LTO1: variants seen among roughly 807,000 people sequenced by gnomAD.
The protein encoded by LTO1 is LTO1 maturation factor of ABCE1.
LTO1 carries 18 observed loss-of-function variants against 19.8 expected under a neutral mutation model. The observed-to-expected ratio is 0.91, with a 90% confidence interval of 0.63 to 1.35. LTO1 has a LOEUF of 1.35. Ranked by LOEUF, LTO1 falls within the 40% of genes most tolerant of loss-of-function variation. The pLI, the probability that LTO1 is intolerant of heterozygous loss-of-function variation, is 0.00. For missense variants in LTO1, 175 were observed against 167.9 expected, an observed-to-expected ratio of 1.04 and a Z score of -0.23; for synonymous variants, 59 against 59.6, an observed-to-expected ratio of 0.99 and a Z score of 0.05.
chr11:69,674,154 G>A (rs1856153745), intron 1 of LTO1, among the ~76,000 whole-genome samples: 1 of 152,054 alleles, frequency 6.6e-6, no homozygotes, highest in Non-Finnish European at 1.5e-5. Context: ...CATCTGGCCC[G>A]GAATCTACTT....
At chr11:69,674,780 G>C in intron 1 of LTO1, 2 of 466,452 alleles carry the variant, frequency 4.3e-6, no homozygotes, top group South Asian at 3.1e-5. Flanking sequence ...GAGGGAAAAG[G>C]GGTGTGGTCG....
chr11:69,667,962 G>T lies in LTO1; in HGVS notation c.278C>A (p.Pro93His). The change falls in exon 4 of 5, where the codon CCT becomes CAT. Residue 93 changes from proline (P) to histidine (H), a missense_variant. Coordinates refer to ENST00000279147, the MANE Select transcript of LTO1 (RefSeq NM_153451.3). ...TTTATCGTAAGTAGGGTCATCATAA[G>T]GGAATTTCTGGATCATTCCAATCAA... The part of the protein sequence containing the change: ...ESLIGMIQKF[P>H]YDDPTYDKLH... 6.3e-7 allele frequency: 1 copy of T among 1,596,636 alleles called. No individual in the cohort carries two copies.
intron 1 of LTO1, chr11:69,674,691 G>T: frequency 2.2e-6 from 1 of 453,252 alleles, no homozygotes; most frequent in South Asian, 1.6e-5. Flanking sequence ...CGTCCTCTGG[G>T]CCGGGCACTG....
intron 3 of LTO1, among the ~76,000 whole-genome samples, chr11:69,670,696 T>C (rs1411930106): frequency 1.3e-5 from 2 of 152,116 alleles, no homozygotes; most frequent in Non-Finnish European, 2.9e-5. Flanking sequence ...AGTTACCCAC[T>C]CTCCTTGTGC....
intron 3 of LTO1, 169 bp downstream of exon 3, chr11:69,671,579 AT>A: frequency 1.7e-6 from 1 of 586,702 alleles, no homozygotes; most frequent in East Asian, 2.8e-5. Context: ...GGCACTTTCT[AT>A]TTAGTATTTC....
At chr11:69,668,063 A>G in intron 3 of LTO1, 51 bp from the exon 4 acceptor site, 1 of 868,638 alleles carries the variant, frequency 1.2e-6, no homozygotes. Context: ...CAACAGGCTC[A>G]ACTTACACAA....
chr11:69,667,720 C>A, intron 4 of LTO1, 133 bp from the exon 5 acceptor site: 1 of 733,130 alleles, frequency 1.4e-6, no homozygotes, highest in Non-Finnish European at 2.4e-6. Flanking sequence ...CTCCTTTTCT[C>A]TGGACTGTCT....
At chr11:69,673,417 C>A in intron 1 of LTO1, 96 bp from the exon 2 acceptor site, 1 of 805,526 alleles carries the variant, frequency 1.2e-6, no homozygotes, top group Non-Finnish European at 2.1e-6. Context: ...CCCAGTAAGA[C>A]AAACCAGAGT....
At chr11:69,670,097 C>T (rs1272552900) in intron 3 of LTO1, among the ~76,000 whole-genome samples, 3 of 151,926 alleles carry the variant, frequency 2.0e-5, no homozygotes, top group Non-Finnish European at 2.9e-5. Context: ...TCCAAAGAGA[C>T]CTCTGGGTAC....
intron 2 of LTO1, 114 bp downstream of exon 2, chr11:69,673,102 C>G: frequency 1.3e-6 from 1 of 766,404 alleles, no homozygotes; most frequent in Non-Finnish European, 2.4e-6. Context: ...CGCGCCCATC[C>G]GGCACTGTGA....
At chr11:69,668,134 G>T in intron 3 of LTO1, 122 bp from the exon 4 acceptor site, 1 of 665,718 alleles carries the variant, frequency 1.5e-6, no homozygotes, top group Admixed American at 2.3e-5. Context: ...TCGTTCAAAA[G>T]CTGGATGATT....
In LTO1 at chr11:69,667,914, A is replaced by G; in HGVS notation, c.326T>C (p.Ile109Thr). 6.5e-7 allele frequency: 1 copy of G among 1,541,558 alleles called. No homozygotes were observed. Among genetic ancestry groups the G allele is most frequent in the African/African-American group, 1.4e-5 (1 of 73,696 alleles). The change falls in exon 4 of 5, where the codon ATC (isoleucine) becomes ACC (threonine). Residue 109 changes from isoleucine to threonine, a missense_variant. Coordinates refer to ENST00000279147, the MANE Select transcript of LTO1 (RefSeq NM_153451.3). ...ACGCACCTGTTTAAATTTTCCTCTG[A>G]TCTTGTCTAAGTCTTCATGGAGTTT... ...YDKLHEDLDK[I>T]RGKFKQFCSL... is the part of the protein sequence containing the mutation.
At chr11:69,672,143 T>A (rs1283484871) in intron 2 of LTO1, 1 of 318,416 alleles carries the variant, frequency 3.1e-6, no homozygotes, top group Non-Finnish European at 6.1e-6. Context: ...TAAAAGCCAG[T>A]GTCACTTGCC....
rs1191499838 is a variant in LTO1, at chr11:69,667,598, A to G, written c.346-11T>C. On this transcript the variant is annotated splice_polypyrimidine_tract_variant and intron_variant, in intron 4 of 4. Transcript: ENST00000279147. ...GAGTAACGAACAAAACTGAAAACAC[A>G]AAAGAGATGGTATTTTTAATCTTGT... is the stretch of plus-strand genomic sequence containing the variant. 1 of 1,570,624 alleles carries G rather than the reference A, an allele frequency of 6.4e-7. No homozygotes were observed. The highest frequency in any genetic ancestry group is 8.8e-7 in the Non-Finnish European group (1 of 1,140,552).
chr11:69,675,130 G>T (rs576357002), intron 1 of LTO1, 60 bp downstream of exon 1: 4 of 1,506,928 alleles, frequency 2.7e-6, no homozygotes, highest in Non-Finnish European at 3.7e-6. Flanking sequence ...CGCAGCCGGC[G>T]GCGAAGCCGC....
chr11:69,673,364 A>T, intron 1 of LTO1, 43 bp from the exon 2 acceptor site: 15 of 1,288,538 alleles, frequency 1.2e-5, no homozygotes, highest in Non-Finnish European at 1.7e-5. Flanking sequence ...CAGGAGAAAG[A>T]ATACTTTCTC....
chr11:69,667,661 T>C (rs1170755908), intron 4 of LTO1, 74 bp from the exon 5 acceptor site: 1 of 1,067,908 alleles, frequency 9.4e-7, no homozygotes, highest in Non-Finnish European at 1.5e-6. Context: ...ACTCTATCTC[T>C]AGCTATAGCT....
At chr11:69,668,212 G>A (rs376034789) in intron 3 of LTO1, 200 bp from the exon 4 acceptor site, 9 of 523,426 alleles carry the variant, frequency 1.7e-5, no homozygotes, top group African/African-American at 7.7e-5. Flanking sequence ...CCAGTGCCTC[G>A]ACAGCAAGTG....
intron 3 of LTO1, among the ~76,000 whole-genome samples, chr11:69,670,019 A>C (rs1856085786): frequency 7.6e-6 from 1 of 130,998 alleles, no homozygotes; most frequent in Non-Finnish European, 1.5e-5. Context: ...AACAAAAAAC[A>C]AAAAAAAAAA....
Sources: allele counts gnomAD v4.1 joint callset (sites outside exome capture counted in the v4.1 genomes callset), GRCh38; gene constraint gnomAD v4.1.1; transcripts MANE v1.5; gene names NCBI Gene and HGNC (gene_info 2026-07-23, HGNC 2026-07-21).